LOXL1: variants seen among roughly 807,000 people sequenced by gnomAD.
LOXL1 encodes lysyl oxidase like 1.
LOXL1 carries 31 observed loss-of-function variants against 62.2 expected under a neutral mutation model. That is an observed-to-expected ratio of 0.50 (90% CI 0.37 to 0.67). The LOEUF is 0.67. LOXL1 is among the 30% of genes least tolerant of loss of function. The pLI, the probability that LOXL1 is intolerant of heterozygous loss-of-function variation, is 0.00. For synonymous variants in LOXL1, 403 were observed against 384.4 expected, an observed-to-expected ratio of 1.05 and a Z score of -0.56; for missense variants, 775 against 843.4, an observed-to-expected ratio of 0.92 and a Z score of 1.00.
chr15:73,932,199 C>T (rs1295025689), intron 1 of LOXL1, among the ~76,000 whole-genome samples: 2 of 152,176 alleles, frequency 1.3e-5, no homozygotes, highest in Non-Finnish European at 2.9e-5. Flanking sequence ...ACATCTGCAT[C>T]CAGAGGAAGA....
At chr15:73,938,026 C>G (rs1016505323) in intron 1 of LOXL1, among the ~76,000 whole-genome samples, 1 of 152,184 alleles carries the variant, frequency 6.6e-6, no homozygotes, top group Non-Finnish European at 1.5e-5. Flanking sequence ...GTCACTCACC[C>G]CTGTAATCCC....
intron 5 of LOXL1, among the ~76,000 whole-genome samples, chr15:73,949,076 C>T (rs1242156336): frequency 6.6e-6 from 1 of 152,200 alleles, no homozygotes; most frequent in Non-Finnish European, 1.5e-5. Flanking sequence ...GTCACCTAGA[C>T]AGGGATGCAT....
At chr15:73,942,593 C>T (rs549183253) in intron 1 of LOXL1, among the ~76,000 whole-genome samples, 1 of 152,266 alleles carries the variant, frequency 6.6e-6, no homozygotes, top group Non-Finnish European at 1.5e-5. Flanking sequence ...TCTCCCAGAT[C>T]TTGTTCATGT....
In LOXL1 at chr15:73,927,515, C is replaced by G; in HGVS notation, c.732C>G (p.Pro244=). ...AGTACGGCGGCGGCGAAGAGCTGCC[C>G]GAGTACCCGCCTCAGGGCTTCTACC... The part of the protein sequence containing the change: ...YEEYGGGEEL[P]EYPPQGFYPA... The change falls in exon 1 of 7, where the codon CCC becomes CCG. Residue 244 remains proline (P), a synonymous_variant. Transcript: ENST00000261921. The G allele has an allele frequency of 6.7e-7, 1 of 1,487,630 alleles. No homozygotes were observed. 92.2% of individuals were successfully genotyped at this position (1,487,630 alleles called of 1,614,324 possible).
In LOXL1 at chr15:73,947,206, T is replaced by A; in HGVS notation, c.1489T>A (p.Cys497Ser). Reference sequence around the variant, plus strand: ...CTTCGGCAACCTCAAGCGCTATGCATGCACCTCTCATACCCAGGTTGGGCT... The same window carrying A: ...CTTCGGCAACCTCAAGCGCTATGCAAGCACCTCTCATACCCAGGTTGGGCT... Reference protein sequence around the residue: ...CDFGNLKRYACTSHTQGLSPG... With the variant: ...CDFGNLKRYASTSHTQGLSPG... Residue 497 changes from cysteine (C) to serine (S), a missense_variant, in exon 4 of 7, where the codon TGC becomes AGC. Coordinates refer to ENST00000261921, the MANE Select transcript of LOXL1 (RefSeq NM_005576.4). 1.2e-6 allele frequency: 2 copies of A among 1,608,658 alleles called. No homozygotes were observed. Among genetic ancestry groups the A allele is most frequent in the Non-Finnish European group, 1.7e-6 (2 of 1,175,688 alleles).
At chr15:73,950,610 T>G (rs2068777759) in intron 6 of LOXL1, among the ~76,000 whole-genome samples, 1 of 152,164 alleles carries the variant, frequency 6.6e-6, no homozygotes, top group African/African-American at 2.4e-5. Context: ...GCCCAGTGTG[T>G]GACCAGGGTC....
intron 1 of LOXL1, among the ~76,000 whole-genome samples, chr15:73,941,444 C>G (rs1395851039): frequency 1.3e-5 from 2 of 152,172 alleles, no homozygotes; most frequent in African/African-American, 4.8e-5. Flanking sequence ...TAGAAGCCAG[C>G]CTTCCCCTCC....
chr15:73,947,310 C>T, intron 4 of LOXL1, 87 bp downstream of exon 4: 2 of 1,447,704 alleles, frequency 1.4e-6, no homozygotes, highest in Non-Finnish European at 1.9e-6. Flanking sequence ...CCGGCAAGTG[C>T]CAAGGCTTCT....
chr15:73,940,576 C>T (rs1042429603), intron 1 of LOXL1, among the ~76,000 whole-genome samples: 16 of 152,028 alleles, frequency 1.1e-4, no homozygotes, highest in African/African-American at 3.6e-4. Flanking sequence ...GATCAGGGCT[C>T]GGTGTGTGAC....
At chr15:73,938,271 C>CTATCTATCTA (rs2068688299) in intron 1 of LOXL1, among the ~76,000 whole-genome samples, 2 of 144,346 alleles carry the variant, frequency 1.4e-5, no homozygotes, top group Admixed American at 7.0e-5. Flanking sequence ...CAGAGCTAGA[C>CTATCTATCTA]TCCGTATCTA....
chr15:73,949,540 C>T lies in LOXL1; in HGVS notation c.1684C>T (p.Arg562Cys), dbSNP rs1363814986. The change falls in exon 6 of 7, where the codon CGC becomes TGC. Residue 562 changes from arginine to cysteine, a missense_variant. Arg to Cys is a radical substitution (Grantham distance 180). Transcript: ENST00000261921. ...GAGATGCAACATTCACTACACAGGT[C>T]GCTACGTTTCTGCAACAAACTGCAA... Reference protein sequence around the residue: ...VVRCNIHYTGRYVSATNCKIV... With the variant: ...VVRCNIHYTGCYVSATNCKIV... The T allele has an allele frequency of 5.0e-6, 8 of 1,613,844 alleles. No individual in the cohort carries two copies. Among genetic ancestry groups the T allele is most frequent in the East Asian group, 2.2e-5 (1 of 44,902 alleles).
chr15:73,951,964 C>G lies in LOXL1; in HGVS notation c.*127C>G. The G allele has an allele frequency of 1.3e-6, 1 of 786,728 alleles. No homozygotes were observed. Among genetic ancestry groups the G allele is most frequent in the African/African-American group, 1.8e-5 (1 of 56,170 alleles). 48.7% of individuals were successfully genotyped at this position (786,728 alleles called of 1,614,324 possible). A position where few individuals can be genotyped will look rare whatever the true frequency, so the allele number is the denominator to read the frequency against. ...GAGGGGCATCCCTCCCTGCCGGCCT[C>G]AGGGAGCGAACGTGGATGAAAACCA... On this transcript the variant is annotated 3_prime_UTR_variant, in exon 7 of 7. Coordinates refer to ENST00000261921, the MANE Select transcript of LOXL1 (RefSeq NM_005576.4).
intron 1 of LOXL1, among the ~76,000 whole-genome samples, chr15:73,939,608 G>A (rs992348161): frequency 6.6e-6 from 1 of 152,182 alleles, no homozygotes; most frequent in South Asian, 2.1e-4. Flanking sequence ...TGGCGGAGGC[G>A]GGGAGAGGAC....
chr15:73,926,733 G>A lies in LOXL1; in HGVS notation c.-51G>A. The A allele has an allele frequency of 1.5e-6, 2 of 1,346,934 alleles. No individual in the cohort carries two copies. Among genetic ancestry groups the A allele is most frequent in the East Asian group, 3.0e-5 (1 of 32,788 alleles). 83.4% of individuals were successfully genotyped at this position (1,346,934 alleles called of 1,614,324 possible). ...CGTGGGAAGAGAAGCACGCCCAGGG[G>A]GCCACTCCTGAGAGCCTCTCTGTCC... On this transcript the variant is annotated 5_prime_UTR_variant, in exon 1 of 7. Coordinates refer to ENST00000261921, the MANE Select transcript of LOXL1 (RefSeq NM_005576.4).
Position 73,946,577 on chromosome 15 carries a change from C to T in LOXL1, c.1349+23C>T, listed in dbSNP as rs113537011. On this transcript the variant is annotated intron_variant, in intron 3 of 6. Transcript: ENST00000261921. Reference sequence around the variant, plus strand: ...CCAGTGAGTGGGGAGGGGCTGGGCCCGTCCTCTTCCACTTCTCCTCTGGGC... The same window carrying T: ...CCAGTGAGTGGGGAGGGGCTGGGCCTGTCCTCTTCCACTTCTCCTCTGGGC... The T allele has an allele frequency of 1.7e-3, 2,772 of 1,586,156 alleles. 24 individuals are homozygous for T. The African/African-American group carries it at 0.022, about 12-fold the overall frequency.
At position 73,947,847 on chromosome 15, in the gene LOXL1, T is replaced by A. The variant is rs1283849655; in HGVS notation, c.1547T>A (p.Ile516Asn). 6 of 1,613,900 alleles carry A rather than the reference T, an allele frequency of 3.7e-6. No homozygotes were observed. The highest frequency in any genetic ancestry group is 8.5e-7 in the Non-Finnish European group (1 of 1,179,830). ...TGCTATGACACCTACAATGCGGACA[T>A]CGACTGCCAGTGGATCGACATAACC... Reference protein sequence around the residue: ...PGCYDTYNADIDCQWIDITDV... With the variant: ...PGCYDTYNADNDCQWIDITDV... The change falls in exon 5 of 7, where the codon ATC becomes AAC. Residue 516 changes from isoleucine (I) to asparagine (N), a missense_variant. By Grantham distance (149) the Ile-to-Asn change is moderately radical. Coordinates refer to ENST00000261921, the MANE Select transcript of LOXL1 (RefSeq NM_005576.4).
rs41429348 is a variant in LOXL1, at chr15:73,927,659, C to T, written c.876C>T (p.Asp292=). Residue 292 remains aspartate, a synonymous_variant, in exon 1 of 7, where the codon GAC becomes GAT. Transcript: ENST00000261921. ...GTPGFEQAYP[D]PGPEAAQAHG... is the part of the protein sequence containing the mutation. ...CCGGCTTCGAGCAGGCCTACCCTGA[C>T]CCCGGTCCCGAGGCGGCGCAGGCCC... The T allele has an allele frequency of 0.034, 51,030 of 1,487,556 alleles. 1,019 individuals carry two copies. Among genetic ancestry groups the T allele is most frequent in the Non-Finnish European group, 0.04 (44,770 of 1,125,878 alleles). The allele number at this position is 1,487,556 out of a possible 1,614,324, so 92.1% of individuals were successfully genotyped here.
Position 73,945,526 on chromosome 15 carries a change from T to G in LOXL1, c.1212-891T>G, listed in dbSNP as rs2068741668. On this transcript the variant is annotated intron_variant, in intron 2 of 6. Coordinates refer to ENST00000261921, the MANE Select transcript of LOXL1 (RefSeq NM_005576.4). The surrounding 1 kb of genome is among the most constrained non-coding windows in gnomAD (Gnocchi z 4.3). ...AGTTCAGCCTGTTTGGAAAATAGGC[T>G]TTGAAGCAGGAACCCAGGGTGTGTG... Among the ~76,000 whole-genome samples, 1 of 152,116 alleles carries G rather than the reference T, an allele frequency of 6.6e-6. No individual in the cohort carries two copies. The highest frequency in any genetic ancestry group is 1.5e-5 in the Non-Finnish European group (1 of 68,024).
In LOXL1 at chr15:73,930,521, C is replaced by T. The variant is rs1358599230; in HGVS notation, c.1102+2636C>T. On this transcript the variant is annotated intron_variant, in intron 1 of 6. Coordinates refer to ENST00000261921, the MANE Select transcript of LOXL1 (RefSeq NM_005576.4). This position sits in a 1 kb window ranked among gnomAD's most constrained non-coding sequence, Gnocchi z 4.7. Reference sequence around the variant, plus strand: ...GAAGGCCAAGCCTTGTGCTTGAGATCAGACCCCCAGGCCTGGTGTGGGAGC... The same window carrying T: ...GAAGGCCAAGCCTTGTGCTTGAGATTAGACCCCCAGGCCTGGTGTGGGAGC... Among the ~76,000 whole-genome samples the T allele has an allele frequency of 2.0e-5, 3 of 152,214 alleles. No homozygotes were observed. The highest frequency in any genetic ancestry group is 7.2e-5 in the African/African-American group (3 of 41,450).
Sources: gnomAD v4.1 joint callset for allele counts (sites outside exome capture counted in the v4.1 genomes callset) on GRCh38, gnomAD v4.1.1 for gene constraint, Gnocchi (gnomAD v3.1) non-coding constraint, MANE v1.5 for transcripts, NCBI Gene and HGNC (gene_info 2026-07-23, HGNC 2026-07-21) for gene names.